The following ZSWIM4 variants were observed in gnomAD, a reference collection of about 807,000 sequenced individuals.
The protein encoded by ZSWIM4 is zinc finger SWIM-type containing 4.
ZSWIM4 carries 62 observed loss-of-function variants against 102.5 expected under a neutral mutation model. The ratio of observed to expected loss-of-function variants is 0.60; its 90% CI spans 0.49 to 0.75. ZSWIM4 has a LOEUF of 0.75. Among genes scored for constraint, ZSWIM4 ranks in the 30% least tolerant of loss-of-function variants. The pLI, the probability that ZSWIM4 is intolerant of heterozygous loss-of-function variation, is 0.00. For synonymous variants in ZSWIM4, 652 were observed against 674.5 expected (o/e 0.97, Z 0.52); for missense variants, 1,280 against 1,529.6 (o/e 0.84, Z 2.72).
rs367648913 is a variant in ZSWIM4, at chr19:13,815,531, C to T, written c.1531+666C>T. 1.1e-3 allele frequency among the ~76,000 whole-genome samples: 131 copies of T among 122,050 alleles called. 1 individual carries two copies. In the East Asian group the frequency reaches 0.013, roughly 12 times the overall value. The allele number at this position is 122,050 out of a possible 152,430, so 80.1% of individuals were successfully genotyped here. ...TTTCGCCCAGTCTGGAGTGCAGTGG[C>T]GCAATCTCAGCTTACTGCAACCTCT... On this transcript the variant is annotated intron_variant, in intron 7 of 13. Coordinates refer to ENST00000590508, the MANE Select transcript of ZSWIM4 (RefSeq NM_001367834.3).
chr19:13,812,824 T>C (rs1199948493), intron 5 of ZSWIM4, among the ~76,000 whole-genome samples, 173 bp from the exon 6 acceptor site: 1 of 152,124 alleles, frequency 6.6e-6, no homozygotes. Context: ...AGCCGTGTTA[T>C]GTCTCTGTGC....
chr19:13,817,570 T>C (rs1235758842), intron 8 of ZSWIM4, 152 bp from the exon 9 acceptor site: 11 of 1,096,762 alleles, frequency 1.0e-5, no homozygotes, highest in Admixed American at 5.8e-5. Context: ...AAGGTGGGGC[T>C]CCCGCGCTCC....
intron 11 of ZSWIM4, among the ~76,000 whole-genome samples, chr19:13,824,318 T>C (rs1053649948): frequency 5.3e-5 from 8 of 152,150 alleles, no homozygotes; most frequent in Non-Finnish European, 8.8e-5. Context: ...TCCCAGCACT[T>C]TGGGAGGCTG....
chr19:13,821,559 C>T (rs1035258297), intron 10 of ZSWIM4, among the ~76,000 whole-genome samples: 5 of 151,824 alleles, frequency 3.3e-5, no homozygotes, highest in Non-Finnish European at 7.4e-5. Flanking sequence ...TTTTTTTTGT[C>T]CTTTTAGAGA....
chr19:13,818,886 C>G (rs1395698875), intron 9 of ZSWIM4, among the ~76,000 whole-genome samples: 1 of 116,290 alleles, frequency 8.6e-6, no homozygotes, highest in Non-Finnish European at 1.7e-5. Context: ...TTTTTTGAGA[C>G]GGAGTCTCGC....
chr19:13,809,188 C>A lies in ZSWIM4; in HGVS notation c.980C>A (p.Thr327Lys). The change falls in exon 5 of 14, where the codon ACG (threonine) becomes AAG (lysine). Residue 327 changes from threonine to lysine, a missense_variant. By Grantham distance (78) the Thr-to-Lys change is moderately conservative. Transcript: ENST00000590508. This position sits in a 1 kb window ranked among gnomAD's most constrained non-coding sequence, Gnocchi z 4.2. ...TGGCGGCAGCAGGGCGCGGGCATGA[C>A]GGACAAGTGCCGGCAGCTCTGGGAT... ...ALWRQQGAGM[T>K]DKCRQLWDEL... is the part of the protein sequence containing the mutation. 2 of 1,611,100 alleles carry A rather than the reference C, an allele frequency of 1.2e-6. No homozygotes were observed. The highest frequency in any genetic ancestry group is 2.2e-5 in the East Asian group (1 of 44,826).
chr19:13,830,738 G>C lies in ZSWIM4; in HGVS notation c.3009G>C (p.Trp1003Cys). The stretch of plus-strand genomic sequence containing the variant: ...TGCTGTCCGATATTCTGCGCCGCTG[G>C]ACTCTCTCGGCGCCCGGTCTGGGCC... Reference protein sequence around the residue: ...APMLSDILRRWTLSAPGLGPL... With the variant: ...APMLSDILRRCTLSAPGLGPL... Residue 1003 changes from tryptophan (W) to cysteine (C), a missense_variant, in exon 14 of 14, where the codon TGG (tryptophan) becomes TGC (cysteine). Trp to Cys is a radical substitution (Grantham distance 215). Transcript: ENST00000590508. 1 of 1,608,318 alleles carries C rather than the reference G, an allele frequency of 6.2e-7. No individual in the cohort carries two copies. Among genetic ancestry groups the C allele is most frequent in the Non-Finnish European group, 8.5e-7 (1 of 1,177,780 alleles).
rs1400286190 is a variant in ZSWIM4 at position 13,828,696 on chromosome 19, C to T, written c.2431C>T (p.Arg811Cys). The part of the protein sequence containing the change: ...VMTWRRREMV[R>C]WLVSCATEIG... ...GACCTGGCGGCGGAGGGAGATGGTG[C>T]GCTGGCTGGTCAGCTGTGCCACAGA... Residue 811 changes from arginine (R) to cysteine (C), a missense_variant, in exon 13 of 14, where the codon CGC becomes TGC. Transcript: ENST00000590508. 1.2e-5 allele frequency: 20 copies of T among 1,614,014 alleles called. No individual in the cohort carries two copies. The highest frequency in any genetic ancestry group is 3.3e-5 in the Admixed American group (2 of 59,990).
chr19:13,829,461 G>A (rs989536188), intron 13 of ZSWIM4, among the ~76,000 whole-genome samples: 1 of 152,012 alleles, frequency 6.6e-6, no homozygotes, highest in African/African-American at 2.4e-5. Context: ...TGTGGTGGCA[G>A]GTGCCTGTAA....
chr19:13,828,803 C>G (rs1267950614), intron 13 of ZSWIM4, 77 bp downstream of exon 13: 2 of 1,444,802 alleles, frequency 1.4e-6, no homozygotes, highest in East Asian at 4.6e-5. Context: ...ACCAGGCAGA[C>G]AAGAAAGAGA....
rs1975221158 is a variant in ZSWIM4 at position 13,814,786 on chromosome 19, G to A, written c.1452G>A (p.Leu484=). Residue 484 remains leucine, a synonymous_variant, in exon 7 of 14, where the codon CTG becomes CTA. Coordinates refer to ENST00000590508, the MANE Select transcript of ZSWIM4 (RefSeq NM_001367834.3). ...CCCACGGATACCCCCGCCAGGCCCTGCGGCTGGCAAGTGCCATCATCAACA... is the reference window on the plus strand; with the variant it reads ...CCCACGGATACCCCCGCCAGGCCCTACGGCTGGCAAGTGCCATCATCAACA... ...LRAHGYPRQA[L]RLASAIINTL... is the part of the protein sequence containing the mutation. 2.3e-6 allele frequency: 3 copies of A among 1,285,504 alleles called. No homozygotes were observed. Among genetic ancestry groups the A allele is most frequent in the Admixed American group, 4.6e-5 (2 of 43,378 alleles). 79.6% of individuals were successfully genotyped at this position (1,285,504 alleles called of 1,614,324 possible).
Position 13,825,238 on chromosome 19 carries a change from A to G in ZSWIM4, c.2216-312A>G, listed in dbSNP as rs1422591766. ...TAGATGGGGTTTCGCCATGTTGGCC[A>G]GGCTGGTCTCAAACTCTTGACCTCG... On this transcript the variant is annotated intron_variant, in intron 11 of 13. Transcript: ENST00000590508. The surrounding 1 kb of genome is among the most constrained non-coding windows in gnomAD (Gnocchi z 4.6). 6.6e-6 allele frequency among the ~76,000 whole-genome samples: 1 copy of G among 152,022 alleles called. No homozygotes were observed. The highest frequency in any genetic ancestry group is 1.5e-5 in the Non-Finnish European group (1 of 67,990).
chr19:13,824,322 G>A lies in ZSWIM4; in HGVS notation c.2215+822G>A, dbSNP rs560352487. 3.3e-5 allele frequency among the ~76,000 whole-genome samples: 5 copies of A among 152,296 alleles called. No individual in the cohort carries two copies. In the East Asian group the frequency reaches 9.7e-4, roughly 29 times the overall value. On this transcript the variant is annotated intron_variant, in intron 11 of 13. Transcript: ENST00000590508. ...CATGCCTGTAATCCCAGCACTTTGG[G>A]AGGCTGAGGCGGGCAAATCACTTGA...
chr19:13,821,603 A>G (rs1975464704), intron 10 of ZSWIM4, among the ~76,000 whole-genome samples: 1 of 152,092 alleles, frequency 6.6e-6, no homozygotes, highest in Non-Finnish European at 1.5e-5. Flanking sequence ...TGGATATGCA[A>G]TGGCAGGATC....
intron 1 of ZSWIM4, among the ~76,000 whole-genome samples, chr19:13,798,293 C>T (rs573251148): frequency 1.3e-5 from 2 of 152,220 alleles, no homozygotes; most frequent in South Asian, 2.1e-4. Context: ...CGCCCACCAC[C>T]ACACCTGGCT....
intron 12 of ZSWIM4, among the ~76,000 whole-genome samples, chr19:13,826,535 G>T (rs913178119): frequency 6.6e-6 from 1 of 152,034 alleles, no homozygotes; most frequent in African/African-American, 2.4e-5. Flanking sequence ...GGGAGGCCGA[G>T]GGGGGCAGAT....
rs528311511 is a variant in ZSWIM4 at position 13,809,130 on chromosome 19, G to A, written c.922G>A (p.Glu308Lys). The change falls in exon 5 of 14, where the codon GAG becomes AAG. Residue 308 changes from glutamate to lysine, a missense_variant. Transcript: ENST00000590508. This position sits in a 1 kb window ranked among gnomAD's most constrained non-coding sequence, Gnocchi z 4.2. The part of the protein sequence containing the change: ...NGARMLILMT[E>K]QFLQDTRLAL... ...GGCGCGCATGCTGATTCTCATGACC[G>A]AGCAGTTCCTGCAGGACACGCGCCT... 9 of 1,613,798 alleles carry A rather than the reference G, an allele frequency of 5.6e-6. No homozygotes were observed. The highest frequency in any genetic ancestry group is 2.2e-5 in the East Asian group (1 of 44,878).
Position 13,805,035 on chromosome 19 carries a change from T to C in ZSWIM4, c.599T>C (p.Leu200Pro). 1.2e-6 allele frequency: 2 copies of C among 1,611,594 alleles called. No homozygotes were observed. The highest frequency in any genetic ancestry group is 4.5e-5 in the East Asian group (2 of 44,878). ...CTCTCCCAGATGAACCGGGACCAGC[T>C]GCAGAAGTTCGTGCAGTACCTCATC... ...ETLSQMNRDQ[L>P]QKFVQYLISA... Residue 200 changes from leucine (L) to proline (P), a missense_variant, in exon 3 of 14, where the codon CTG becomes CCG. Coordinates refer to ENST00000590508, the MANE Select transcript of ZSWIM4 (RefSeq NM_001367834.3).
chr19:13,817,621 A>AATTT (rs1599604755), intron 8 of ZSWIM4, 101 bp from the exon 9 acceptor site: 2 of 1,434,048 alleles, frequency 1.4e-6, no homozygotes, highest in East Asian at 4.8e-5. Context: ...GCTCCCTCTA[A>AATTT]AGCCTACCCT....
Sources: allele counts gnomAD v4.1 joint callset (sites outside exome capture counted in the v4.1 genomes callset), GRCh38; gene constraint gnomAD v4.1.1; non-coding constraint Gnocchi (gnomAD v3.1); transcripts MANE v1.5; gene names NCBI Gene and HGNC (gene_info 2026-07-23, HGNC 2026-07-21).